Variants in CCSER1 observed in about 807,000 individuals in gnomAD.
CCSER1 encodes the protein serine-rich coiled-coil domain-containing protein 1.
A neutral mutation model predicts 82.0 loss-of-function variants in CCSER1; 41 were observed. That is an observed-to-expected ratio of 0.50 (90% CI 0.39 to 0.65). CCSER1 has a LOEUF of 0.65. Among genes scored for constraint, CCSER1 ranks in the 30% least tolerant of loss-of-function variants. CCSER1 has a pLI of 0.00. For missense variants in CCSER1, 1,119 were observed against 1,064.2 expected (o/e 1.05, Z -0.72); for synonymous variants, 414 against 383.9 (o/e 1.08, Z -0.92).
intron 9 of CCSER1, among the ~76,000 whole-genome samples, chr4:90,960,299 T>C (rs906858436): frequency 2.0e-5 from 3 of 152,156 alleles, no homozygotes. Flanking sequence ...ATTAAGAACA[T>C]TATACTCACT....
chr4:91,021,864 G>T (rs902741173), intron 9 of CCSER1, among the ~76,000 whole-genome samples: 3 of 152,064 alleles, frequency 2.0e-5, no homozygotes, highest in African/African-American at 7.2e-5. Context: ...TTCAGTTTCA[G>T]TTAATATGTG....
At chr4:91,046,197 A>T (rs1210834410) in intron 9 of CCSER1, among the ~76,000 whole-genome samples, 5 of 151,648 alleles carry the variant, frequency 3.3e-5, no homozygotes, top group Admixed American at 2.0e-4. Context: ...TCTAGCTAAA[A>T]TTTTTTCAAT....
intron 3 of CCSER1, among the ~76,000 whole-genome samples, chr4:90,350,480 T>A (rs1034591945): frequency 6.6e-5 from 10 of 152,148 alleles, no homozygotes; most frequent in African/African-American, 2.4e-4. Flanking sequence ...AGAGGTAAGA[T>A]TGTTATTATT....
At chr4:91,439,681 G>C (rs934152903) in intron 10 of CCSER1, among the ~76,000 whole-genome samples, 2 of 152,030 alleles carry the variant, frequency 1.3e-5, no homozygotes, top group Admixed American at 6.6e-5. Flanking sequence ...ATTGGATAAA[G>C]AGTCAAGACC....
chr4:91,585,067 TTTAAA>T (rs1206092139), intron 10 of CCSER1, among the ~76,000 whole-genome samples: 3 of 151,562 alleles, frequency 2.0e-5, no homozygotes, highest in Non-Finnish European at 4.4e-5. Context: ...AATTTCACTC[TTTAAA>T]TTAGCAGCCA....
chr4:90,438,753 T>C (rs1759413941), intron 4 of CCSER1, among the ~76,000 whole-genome samples: 1 of 151,198 alleles, frequency 6.6e-6, no homozygotes, highest in Non-Finnish European at 1.5e-5. Flanking sequence ...CATTAAAGAA[T>C]TTATAGATTC....
intron 1 of CCSER1, among the ~76,000 whole-genome samples, chr4:90,250,805 T>G (rs536743637): frequency 5.3e-5 from 8 of 152,080 alleles, no homozygotes; most frequent in Non-Finnish European, 1.2e-4. Context: ...TGGGGTGATT[T>G]GTCATCTTTG....
intron 4 of CCSER1, among the ~76,000 whole-genome samples, chr4:90,447,125 G>C (rs1365393545): frequency 6.6e-6 from 1 of 152,134 alleles, no homozygotes; most frequent in African/African-American, 2.4e-5. Flanking sequence ...AAAACTGCAC[G>C]TTGTCCAAGA....
intron 10 of CCSER1, among the ~76,000 whole-genome samples, chr4:91,513,546 C>T (rs1335911383): frequency 1.3e-5 from 2 of 152,142 alleles, no homozygotes; most frequent in Admixed American, 1.3e-4. Flanking sequence ...AGTAACAGCT[C>T]TTATTTGGAC....
Position 91,086,037 on chromosome 4 carries a change from T to C in CCSER1, c.2217+43T>C, listed in dbSNP as rs1038611744. 6 of 1,192,698 alleles carry C rather than the reference T, an allele frequency of 5.0e-6. No individual in the cohort carries two copies. In the Admixed American group the frequency reaches 1.0e-4, roughly 20 times the overall value. 73.9% of individuals were successfully genotyped at this position (1,192,698 alleles called of 1,614,324 possible). ...AGAGGGGTGGGAAAAAGAGGAAACA[T>C]GGCTATGGTGTTGCAGTGATGTGGT... On this transcript the variant is annotated intron_variant, in intron 10 of 10. Transcript: ENST00000509176.
intron 9 of CCSER1, among the ~76,000 whole-genome samples, chr4:91,072,832 G>T (rs1442998943): frequency 6.6e-6 from 1 of 151,960 alleles, no homozygotes; most frequent in African/African-American, 2.4e-5. Flanking sequence ...TATATAAAAT[G>T]ATATAAAAAT....
At chr4:90,792,694 C>T (rs1286389554) in intron 7 of CCSER1, among the ~76,000 whole-genome samples, 1 of 152,240 alleles carries the variant, frequency 6.6e-6, no homozygotes, top group African/African-American at 2.4e-5. Context: ...CCTGTAGGAC[C>T]ATGCAATAGG....
At chr4:90,352,949 G>A (rs1369305255) in intron 3 of CCSER1, among the ~76,000 whole-genome samples, 1 of 151,852 alleles carries the variant, frequency 6.6e-6, no homozygotes, top group Admixed American at 6.6e-5. Flanking sequence ...TGTTTACCCA[G>A]TATTGATAGC....
chr4:91,080,949 C>A (rs532441342), intron 9 of CCSER1, among the ~76,000 whole-genome samples: 1 of 152,192 alleles, frequency 6.6e-6, no homozygotes, highest in East Asian at 1.9e-4. Flanking sequence ...CAGGACCAGA[C>A]GGATTCACAG....
chr4:91,403,054 G>A (rs1752447988), intron 10 of CCSER1, among the ~76,000 whole-genome samples: 1 of 152,040 alleles, frequency 6.6e-6, no homozygotes, highest in Non-Finnish European at 1.5e-5. Flanking sequence ...ATTTGTTTGT[G>A]TCTTCTTCTA....
intron 5 of CCSER1, among the ~76,000 whole-genome samples, chr4:90,550,080 C>T (rs920504039): frequency 1.3e-5 from 2 of 151,974 alleles, no homozygotes; most frequent in African/African-American, 4.8e-5. Flanking sequence ...AATTAATCTT[C>T]CTCCCATCTT....
chr4:90,457,015 G>A (rs1762257781), intron 4 of CCSER1, among the ~76,000 whole-genome samples: 1 of 152,178 alleles, frequency 6.6e-6, no homozygotes, highest in Non-Finnish European at 1.5e-5. Flanking sequence ...TGCCAATGGT[G>A]AGCCAGGCAT....
chr4:90,624,731 TTA>T (rs1722963861), intron 5 of CCSER1, among the ~76,000 whole-genome samples: 1 of 152,232 alleles, frequency 6.6e-6, no homozygotes, highest in East Asian at 1.9e-4. Context: ...AAAACCTGTG[TTA>T]TTTTGGTACT....
At chr4:90,361,461 C>T (rs1260154387) in intron 3 of CCSER1, among the ~76,000 whole-genome samples, 4 of 152,152 alleles carry the variant, frequency 2.6e-5, no homozygotes, top group Non-Finnish European at 5.9e-5. Flanking sequence ...GACAAGAAGG[C>T]CTATGCCTCA....
Sources: allele counts gnomAD v4.1 joint callset (sites outside exome capture counted in the v4.1 genomes callset), GRCh38; gene constraint gnomAD v4.1.1; transcripts MANE v1.5; gene names NCBI Gene and HGNC (gene_info 2026-07-23, HGNC 2026-07-21).